The following MTA3 variants were observed in gnomAD, a reference collection of about 807,000 sequenced individuals.
The protein encoded by MTA3 is metastasis associated 1 family member 3.
In MTA3, 34 loss-of-function variants were observed where a neutral mutation model predicts 83.5. That is an observed-to-expected ratio of 0.41 (90% confidence interval 0.31 to 0.54). The LOEUF (loss-of-function observed/expected upper bound fraction) is 0.54. Ranked by LOEUF, MTA3 falls within the 20% of genes least tolerant of loss-of-function variation. The pLI, the probability that MTA3 is intolerant of heterozygous loss-of-function variation, is 0.33. For missense variants in MTA3, 761 were observed against 726.4 expected, an observed-to-expected ratio of 1.05 and a Z score of -0.55; for synonymous variants, 303 against 252.7, an observed-to-expected ratio of 1.20 and a Z score of -1.89.
intron 2 of MTA3, among the ~76,000 whole-genome samples, chr2:42,547,471 C>G (rs1247262090): frequency 6.6e-6 from 1 of 152,250 alleles, no homozygotes; most frequent in African/African-American, 2.4e-5. Context: ...GCTGGGATTA[C>G]AGGCACGCGC....
chr2:42,552,850 T>TGAGGCAGGAGAATTGCTTG (rs1245725997), intron 2 of MTA3, among the ~76,000 whole-genome samples: 1 of 151,468 alleles, frequency 6.6e-6, no homozygotes, highest in Admixed American at 6.6e-5. Flanking sequence ...CTCGGGAGGC[T>TGAGGCAGGAGAATTGCTTG]GAGGCAGGAG....
chr2:42,517,430 G>C (rs1675194493), intron 2 of MTA3, among the ~76,000 whole-genome samples: 1 of 151,520 alleles, frequency 6.6e-6, no homozygotes, highest in South Asian at 2.1e-4. Flanking sequence ...AAAGTTAGCT[G>C]GATGTGGTGG....
chr2:42,540,170 ATTTT>A, intron 2 of MTA3, among the ~76,000 whole-genome samples: 1 of 125,408 alleles, frequency 8.0e-6, no homozygotes, highest in African/African-American at 3.0e-5. Context: ...AACTTTGTAG[ATTTT>A]TTTTTTTTTT....
intron 14 of MTA3, among the ~76,000 whole-genome samples, chr2:42,716,919 T>C (rs1390911121): frequency 6.6e-6 from 1 of 152,170 alleles, no homozygotes; most frequent in Non-Finnish European, 1.5e-5. Context: ...TTCCACATGG[T>C]TGAACTAATT....
chr2:42,532,826 G>C, intron 2 of MTA3: 1 of 409,966 alleles, frequency 2.4e-6, no homozygotes. Context: ...TTCTCTCACA[G>C]TGTGCTTCTC....
chr2:42,705,580 C>CA, intron 12 of MTA3, among the ~76,000 whole-genome samples: 1 of 151,432 alleles, frequency 6.6e-6, no homozygotes, highest in Non-Finnish European at 1.5e-5. Context: ...GTGGCATGCA[C>CA]CTGTAATCCC....
At chr2:42,589,101 A>T (rs1391390698) in intron 3 of MTA3, among the ~76,000 whole-genome samples, 2 of 152,172 alleles carry the variant, frequency 1.3e-5, no homozygotes, top group African/African-American at 4.8e-5. Flanking sequence ...TCTAAATTAG[A>T]TTTTGATTGA....
rs1677729694 is a variant in MTA3, at chr2:42,562,752, T to C, written c.-140-7685T>C. 2.0e-5 allele frequency among the ~76,000 whole-genome samples: 3 copies of C among 152,140 alleles called. 1 individual carries two copies. The highest frequency in any genetic ancestry group is 2.0e-4 in the Admixed American group (3 of 15,262). ...TTAGATTGGCTGGGCTCTGGGGTGA[T>C]GGTAACACCAGAAGTGGCTATTTCC... On this transcript the variant is annotated intron_variant, in intron 2 of 17. Coordinates refer to the MTA3 transcript ENST00000405592.
At chr2:42,720,111 C>G (rs1005463968) in intron 15 of MTA3, among the ~76,000 whole-genome samples, 2 of 152,156 alleles carry the variant, frequency 1.3e-5, no homozygotes, top group South Asian at 2.1e-4. Flanking sequence ...GATTCAGAGG[C>G]TCAAAGCTTC....
chr2:42,632,904 G>T (rs1322952763), intron 4 of MTA3, among the ~76,000 whole-genome samples: 1 of 151,466 alleles, frequency 6.6e-6, no homozygotes, highest in East Asian at 1.9e-4. Flanking sequence ...TCTATTCAAA[G>T]ATCTATCTTT....
At chr2:42,720,607 TTGCAGAAC>T (rs1667335164) in intron 15 of MTA3, among the ~76,000 whole-genome samples, 1 of 152,140 alleles carries the variant, frequency 6.6e-6, no homozygotes, top group African/African-American at 2.4e-5. Flanking sequence ...CTGTATTCCC[TTGCAGAAC>T]TGTCTCCAGA....
chr2:42,642,215 G>T (rs1687758300), intron 5 of MTA3, among the ~76,000 whole-genome samples: 1 of 151,984 alleles, frequency 6.6e-6, no homozygotes. Context: ...TCAGGACATA[G>T]AAATCTAAGG....
intron 8 of MTA3, among the ~76,000 whole-genome samples, chr2:42,679,554 T>C (rs1300222193): frequency 6.6e-6 from 1 of 152,236 alleles, no homozygotes; most frequent in Non-Finnish European, 1.5e-5. Context: ...TAAGGCACAG[T>C]GGTGGCAAAG....
intron 2 of MTA3, among the ~76,000 whole-genome samples, chr2:42,557,195 A>T (rs192081382): frequency 6.6e-6 from 1 of 152,238 alleles, no homozygotes; most frequent in Admixed American, 6.6e-5. Flanking sequence ...GTGAGCAGAT[A>T]TCGCACCACT....
chr2:42,543,518 T>G (rs1446328916), intron 2 of MTA3, among the ~76,000 whole-genome samples: 2 of 152,098 alleles, frequency 1.3e-5, no homozygotes, highest in African/African-American at 4.8e-5. Context: ...GGGGTCTCAC[T>G]GTGTCACCCA....
intron 16 of MTA3, among the ~76,000 whole-genome samples, chr2:42,734,370 C>A (rs1668459331): frequency 7.3e-6 from 1 of 136,864 alleles, no homozygotes; most frequent in African/African-American, 2.8e-5. Flanking sequence ...TTTTGGTTTC[C>A]ATTTGCATGG....
In MTA3 at chr2:42,659,710, AC is replaced by A. The variant is rs113471063; in HGVS notation, c.603-52del. ...ATGTGTTTTTTAAAACGTTAAAAAA[AC>A]AAACCAAAACAGATACTTAATTCTT... On this transcript the variant is annotated intron_variant, in intron 7 of 16. Coordinates refer to ENST00000405094, the MANE Select transcript of MTA3 (RefSeq NM_001330442.2). The A allele has an allele frequency of 1.4e-4, 193 of 1,347,366 alleles. 2 individuals carry two copies. The African/African-American group carries it at 2.5e-3, about 17-fold the overall frequency. 83.5% of individuals were successfully genotyped at this position (1,347,366 alleles called of 1,614,324 possible). A position where few individuals can be genotyped will look rare whatever the true frequency, so the allele number is the denominator to read the frequency against.
intron 8 of MTA3, among the ~76,000 whole-genome samples, chr2:42,677,662 G>A (rs1323580181): frequency 6.6e-6 from 1 of 152,056 alleles, no homozygotes; most frequent in Non-Finnish European, 1.5e-5. Context: ...TTTAAAAATG[G>A]GAGTTCCCTG....
rs1365201446 is a variant in MTA3, at chr2:42,755,632, G to A, written c.*2233G>A. On this transcript the variant is annotated 3_prime_UTR_variant, in exon 17 of 17. Coordinates refer to ENST00000405094, the MANE Select transcript of MTA3 (RefSeq NM_001330442.2). ...CCCCTCGTTCTGACAGAATCCCCCA[G>A]GCAATGGAGGAAGGGTGCCGAGGCG... is the stretch of plus-strand genomic sequence containing the variant. 1.0e-6 allele frequency: 1 copy of A among 985,484 alleles called. No individual in the cohort carries two copies. The highest frequency in any genetic ancestry group is 1.7e-5 in the African/African-American group (1 of 57,230). The allele number at this position is 985,484 out of a possible 1,614,324, so 61.0% of individuals were successfully genotyped here.
Sources: gnomAD v4.1 joint callset for allele counts (sites outside exome capture counted in the v4.1 genomes callset) on GRCh38, gnomAD v4.1.1 for gene constraint, MANE v1.5 for transcripts, NCBI Gene and HGNC (gene_info 2026-07-23, HGNC 2026-07-21) for gene names.